The following SNRPB2 variants were observed in gnomAD, a reference collection of about 807,000 sequenced individuals.
SNRPB2 encodes U2 small nuclear ribonucleoprotein B''.
A neutral mutation model predicts 26.3 loss-of-function variants in SNRPB2; 16 were observed. The ratio of observed to expected loss-of-function variants is 0.61; its 90% confidence interval spans 0.41 to 0.92. The LOEUF is 0.92. SNRPB2 is among the 40% of genes least tolerant of loss of function. SNRPB2 has a pLI of 0.00. For synonymous variants in SNRPB2, 75 were observed against 89.0 expected, an observed-to-expected ratio of 0.84 and a Z score of 0.88; for missense variants, 179 against 268.1, an observed-to-expected ratio of 0.67 and a Z score of 2.32.
chr20:16,740,790 A>C, intron 6 of SNRPB2, 56 bp from the exon 7 acceptor site: 1 of 1,360,656 alleles, frequency 7.3e-7, no homozygotes, highest in South Asian at 1.3e-5. Context: ...AAATTTTAAC[A>C]CAAAGCAAAC....
intron 5 of SNRPB2, 111 bp downstream of exon 5, chr20:16,739,013 C>A: frequency 1.4e-6 from 1 of 717,332 alleles, no homozygotes; most frequent in Non-Finnish European, 2.5e-6. Flanking sequence ...ATCTACAAGA[C>A]ACAGTGCGTT....
At chr20:16,737,432 A>G (rs2072433746) in intron 4 of SNRPB2, 31 bp downstream of exon 4, 5 of 1,560,520 alleles carry the variant, frequency 3.2e-6, no homozygotes, top group East Asian at 2.3e-5. Context: ...TCCTGTTTGT[A>G]TTGGTGTTAA....
chr20:16,735,060 G>C (rs1285348773), intron 3 of SNRPB2, among the ~76,000 whole-genome samples: 3 of 152,166 alleles, frequency 2.0e-5, no homozygotes, highest in African/African-American at 7.2e-5. Flanking sequence ...CGGCAGCCCA[G>C]ACCAGCCAGA....
intron 3 of SNRPB2, among the ~76,000 whole-genome samples, chr20:16,735,225 T>C (rs973281130): frequency 2.0e-5 from 3 of 152,228 alleles, no homozygotes; most frequent in Non-Finnish European, 4.4e-5. Context: ...TTAAAATGTT[T>C]CTTGTTCTCT....
chr20:16,738,040 A>G (rs1275880485), intron 4 of SNRPB2, among the ~76,000 whole-genome samples: 1 of 142,720 alleles, frequency 7.0e-6, no homozygotes, highest in Non-Finnish European at 1.5e-5. Flanking sequence ...CTCTGTCTCA[A>G]AAAAAAAAAA....
rs769501247 is a variant in SNRPB2 at position 16,741,047 on chromosome 20, A to G, written c.*42A>G. On this transcript the variant is annotated 3_prime_UTR_variant, in exon 7 of 7. Transcript: ENST00000246071. ...CTTTAAAAGACTTGGTGTTATTTAC[A>G]GTGTTTGTTTTGATAACATTTGGCT... 1.4e-6 allele frequency: 2 copies of G among 1,466,292 alleles called. No individual in the cohort carries two copies. Among genetic ancestry groups the G allele is most frequent in the East Asian group, 2.3e-5 (1 of 43,434 alleles). 90.8% of individuals were successfully genotyped at this position (1,466,292 alleles called of 1,614,324 possible). A position where few individuals can be genotyped will look rare whatever the true frequency, so the allele number is the denominator to read the frequency against.
chr20:16,740,505 T>A lies in SNRPB2; in HGVS notation c.518+92T>A, dbSNP rs1162259267. The A allele has an allele frequency of 2.2e-5, 34 of 1,541,016 alleles. 1 individual carries two copies. The Middle Eastern group carries it at 8.7e-4, about 39-fold the overall frequency. ...GTTGAATCCATTTATCACACAGCAG[T>A]AATTCCTTACAGGTTCATTGATTTG... On this transcript the variant is annotated intron_variant, in intron 6 of 6. Transcript: ENST00000246071.
intron 2 of SNRPB2, 140 bp from the exon 3 acceptor site, chr20:16,732,024 A>G (rs1251414811): frequency 8.0e-6 from 5 of 624,908 alleles, no homozygotes; most frequent in East Asian, 3.0e-5. Context: ...TGGGAATAGT[A>G]TATGTTTTTA....
rs1048573148 is a variant in SNRPB2, at chr20:16,732,245, G to A, written c.146G>A (p.Arg49Lys). The change falls in exon 3 of 7, where the codon AGG (arginine) becomes AAG (lysine). Residue 49 changes from arginine (R) to lysine (K), a missense_variant. Arg to Lys is a conservative substitution (Grantham distance 26, BLOSUM62 2). Transcript: ENST00000246071. ...DIVALKTMKM[R>K]GQAFVIFKEL... The stretch of plus-strand genomic sequence containing the variant: ...GTGGCTTTAAAGACCATGAAGATGA[G>A]GGGGCAGGCCTTTGTCATATTTAAG... 4 of 1,600,808 alleles carry A rather than the reference G, an allele frequency of 2.5e-6. No homozygotes were observed. The highest frequency in any genetic ancestry group is 1.7e-5 in the Admixed American group (1 of 58,816).
In SNRPB2 at chr20:16,730,026, C is replaced by T. The variant is rs1442657207; in HGVS notation, c.-174C>T. ...TTGCTTCCGGTGCCTGGCTCCGTTT[C>T]CTGCTTTTGGTTCTTACAGTAGTCG... On this transcript the variant is annotated 5_prime_UTR_variant, in exon 1 of 7. Coordinates refer to ENST00000246071, the MANE Select transcript of SNRPB2 (RefSeq NM_003092.5). 1 of 152,462 alleles carries T rather than the reference C, an allele frequency of 6.6e-6. No homozygotes were observed. The highest frequency in any genetic ancestry group is 1.5e-5 in the Non-Finnish European group (1 of 68,260). The allele number at this position is 152,462 out of a possible 1,614,324, so 9.4% of individuals were successfully genotyped here.
chr20:16,740,468 G>A, intron 6 of SNRPB2, 55 bp downstream of exon 6: 1 of 1,597,122 alleles, frequency 6.3e-7, no homozygotes, highest in Non-Finnish European at 8.5e-7. Flanking sequence ...AGGACAAGTA[G>A]TACTTCCGTG....
chr20:16,739,863 G>A (rs1025372034), intron 5 of SNRPB2, among the ~76,000 whole-genome samples: 1 of 149,854 alleles, frequency 6.7e-6, no homozygotes, highest in Non-Finnish European at 1.5e-5. Flanking sequence ...TAAATTAAAA[G>A]TCCCTAAGCA....
intron 3 of SNRPB2, among the ~76,000 whole-genome samples, chr20:16,733,165 CTG>C (rs1224520258): frequency 1.3e-5 from 2 of 152,240 alleles, no homozygotes; most frequent in Non-Finnish European, 2.9e-5. Context: ...TTAACTGGCT[CTG>C]TGCCCGTGGT....
chr20:16,741,647 G>T lies in SNRPB2; in HGVS notation c.*642G>T, dbSNP rs193001907. 6.6e-6 allele frequency: 1 copy of T among 152,268 alleles called. No homozygotes were observed. Among genetic ancestry groups the T allele is most frequent in the Admixed American group, 6.5e-5 (1 of 15,302 alleles). The allele number at this position is 152,268 out of a possible 1,614,324, so 9.4% of individuals were successfully genotyped here. A position where few individuals can be genotyped will look rare whatever the true frequency, so the allele number is the denominator to read the frequency against. On this transcript the variant is annotated 3_prime_UTR_variant, in exon 7 of 7. Transcript: ENST00000246071. ...GCATTTAATGCTGTTTCCTTCATGA[G>T]GCAGGACTGTTCTAAGGTTAATATG...
intron 4 of SNRPB2, 137 bp from the exon 5 acceptor site, chr20:16,738,715 T>TA: frequency 1.5e-6 from 1 of 665,762 alleles, no homozygotes; most frequent in Non-Finnish European, 2.7e-6. Flanking sequence ...TATAAATTCT[T>TA]AAAGTAAAAT....
At position 16,737,421 on chromosome 20, in the gene SNRPB2, T is replaced by C; in HGVS notation, c.378+20T>C. On this transcript the variant is annotated intron_variant, in intron 4 of 6. Coordinates refer to ENST00000246071, the MANE Select transcript of SNRPB2 (RefSeq NM_003092.5). ...GGCCAGGTAAGAAAGACCAAGAAAGTTCCTGTTTGTATTGGTGTTAAAAAC... is the reference window on the plus strand; with the variant it reads ...GGCCAGGTAAGAAAGACCAAGAAAGCTCCTGTTTGTATTGGTGTTAAAAAC... 1 of 1,569,108 alleles carries C rather than the reference T, an allele frequency of 6.4e-7. No individual in the cohort carries two copies.
chr20:16,731,856 C>G, intron 2 of SNRPB2, 90 bp downstream of exon 2: 1 of 1,563,064 alleles, frequency 6.4e-7, no homozygotes, highest in Non-Finnish European at 8.7e-7. Flanking sequence ...CCTCTTACCT[C>G]ATCATCTTAG....
At chr20:16,734,489 C>T (rs2072412552) in intron 3 of SNRPB2, among the ~76,000 whole-genome samples, 1 of 152,190 alleles carries the variant, frequency 6.6e-6, no homozygotes, top group African/African-American at 2.4e-5. Flanking sequence ...AACTGTCTTC[C>T]TAAGGGCTTC....
In SNRPB2 at chr20:16,737,327, GAAAAGAA is replaced by G; in HGVS notation, c.314_320del (p.Lys105ArgfsTer59). On this transcript the variant is annotated frameshift_variant, in exon 4 of 7. Transcript: ENST00000246071. LOFTEE classifies it high-confidence loss of function. ...AATGCGTGGAACTTTTGCTGACAAA[GAAAAGAA>G]AAAAGAAAAGAAAAAAGCCAAAACT... 1 of 1,603,052 alleles carries G rather than the reference GAAAAGAA, an allele frequency of 6.2e-7. No individual in the cohort carries two copies. The highest frequency in any genetic ancestry group is 8.5e-7 in the Non-Finnish European group (1 of 1,175,972).
Sources: gnomAD v4.1 joint callset for allele counts (sites outside exome capture counted in the v4.1 genomes callset) on GRCh38, gnomAD v4.1.1 for gene constraint, MANE v1.5 for transcripts, NCBI Gene and HGNC (gene_info 2026-07-23, HGNC 2026-07-21) for gene names.